Variants in WDR3 observed in about 807,000 individuals in gnomAD.
WDR3 encodes WD repeat-containing protein 3.
WDR3 carries 81 observed loss-of-function variants against 123.7 expected under a neutral mutation model. That is an observed-to-expected ratio of 0.65 (90% confidence interval 0.55 to 0.79). WDR3 has a LOEUF of 0.79. Ranked by LOEUF, WDR3 falls within the 30% of genes least tolerant of loss-of-function variation. The probability of loss-of-function intolerance (pLI) is 0.00; values close to 1 mark genes in which losing one functional copy is unlikely to be tolerated. For synonymous variants in WDR3, 390 were observed against 388.8 expected (o/e 1.00, Z -0.04); for missense variants, 1,027 against 1,123.2 (o/e 0.91, Z 1.22).
intron 24 of WDR3, among the ~76,000 whole-genome samples, chr1:117,956,785 T>C (rs914818096): frequency 2.6e-5 from 4 of 152,144 alleles, no homozygotes; most frequent in African/African-American, 9.7e-5. Context: ...CATATGAAGA[T>C]GGAATATTCA....
chr1:117,933,613 A>G (rs761496524), intron 2 of WDR3, 123 bp downstream of exon 2: 3 of 1,346,336 alleles, frequency 2.2e-6, no homozygotes, highest in South Asian at 2.5e-5. Context: ...CTTAGAAGAA[A>G]AATCTTTTTC....
chr1:117,943,431 T>G lies in WDR3; in HGVS notation c.1133T>G (p.Leu378Ter). The G allele has an allele frequency of 6.2e-7, 1 of 1,614,150 alleles. No individual in the cohort carries two copies. The highest frequency in any genetic ancestry group is 1.7e-5 in the Admixed American group (1 of 60,014). The change falls in exon 11 of 27, where the codon TTA (leucine) becomes TGA (stop). Residue 378 changes from leucine to a stop codon, truncating the protein, a stop_gained. Coordinates refer to ENST00000349139, the MANE Select transcript of WDR3 (RefSeq NM_006784.3). LOFTEE classifies it high-confidence loss of function. ...FDLIHSPHGE[L>*]KAVFLLQNNL... Reference sequence around the variant, plus strand: ...TTGATTCATTCACCTCACGGAGAGTTAAAGGCTGTCTTCCTGCTGCAGAAC... The same window carrying G: ...TTGATTCATTCACCTCACGGAGAGTGAAAGGCTGTCTTCCTGCTGCAGAAC...
intron 23 of WDR3, 74 bp from the exon 24 acceptor site, chr1:117,955,241 G>A: frequency 7.7e-7 from 1 of 1,297,932 alleles, no homozygotes; most frequent in Admixed American, 2.1e-5. Flanking sequence ...CTGTTTTATA[G>A]GAGATAGAAA....
In WDR3 at chr1:117,942,524, A is replaced by G. The variant is rs1055806540; in HGVS notation, c.1077A>G (p.Ile359Met). The change falls in exon 10 of 27, where the codon ATA (isoleucine) becomes ATG (methionine). Residue 359 changes from isoleucine (I) to methionine (M), a missense_variant. By Grantham distance (10) the Ile-to-Met change is conservative (BLOSUM62 1). Transcript: ENST00000349139. The part of the protein sequence containing the change: ...LQDEIQRVTN[I>M]KTSAKIKSFD... ...ATGAAATCCAGCGGGTGACTAATAT[A>G]AAAACTTCTGCCAAAATCAAGTGAG... The G allele has an allele frequency of 6.2e-7, 1 of 1,613,876 alleles. No individual in the cohort carries two copies. Among genetic ancestry groups the G allele is most frequent in the Non-Finnish European group, 8.5e-7 (1 of 1,179,870 alleles).
chr1:117,933,200 T>C, intron 1 of WDR3, 88 bp from the exon 2 acceptor site: 1 of 1,168,326 alleles, frequency 8.6e-7, no homozygotes, highest in Non-Finnish European at 1.2e-6. Context: ...TGAGACTCTG[T>C]CTCAAAAACA....
chr1:117,951,000 C>CTGTT (rs1242146358), intron 16 of WDR3, 110 bp downstream of exon 16: 2 of 813,124 alleles, frequency 2.5e-6, no homozygotes, highest in Non-Finnish European at 3.9e-6. Context: ...TATCATCATT[C>CTGTT]TGTTATATAT....
At position 117,961,487 on chromosome 1, in the gene WDR3, T is replaced by C. The variant is rs1653092242; in HGVS notation, c.*2040T>C. On this transcript the variant is annotated 3_prime_UTR_variant, in exon 27 of 27. Transcript: ENST00000349139. ...TAAATCATACTTCTTGTTACAGGCCTGTTTAGATGTTCTGTATCTTCTTGA... is the reference window on the plus strand; with the variant it reads ...TAAATCATACTTCTTGTTACAGGCCCGTTTAGATGTTCTGTATCTTCTTGA... 1 of 152,212 alleles carries C rather than the reference T, an allele frequency of 6.6e-6. No homozygotes were observed. Among genetic ancestry groups the C allele is most frequent in the Non-Finnish European group, 1.5e-5 (1 of 68,036 alleles). The allele number at this position is 152,212 out of a possible 1,614,324, so 9.4% of individuals were successfully genotyped here.
intron 22 of WDR3, 122 bp downstream of exon 22, chr1:117,954,221 A>G: frequency 1.2e-6 from 1 of 814,242 alleles, no homozygotes; most frequent in Non-Finnish European, 1.9e-6. Context: ...AATCTTTCCA[A>G]CTCACTATAT....
At position 117,957,052 on chromosome 1, in the gene WDR3, AT is replaced by A. The variant is rs752771059; in HGVS notation, c.2454-10del. 1.7e-5 allele frequency: 27 copies of A among 1,546,700 alleles called. No homozygotes were observed. Among genetic ancestry groups the A allele is most frequent in the Non-Finnish European group, 2.3e-5 (27 of 1,151,612 alleles). On this transcript the variant is annotated splice_polypyrimidine_tract_variant and intron_variant, in intron 24 of 26. Transcript: ENST00000349139. ...TAACAAATGTGGCATTTTTATATTTATTTTTTCTTTTTCAGTGAGCTGGAAG... is the reference window on the plus strand; with the variant it reads ...TAACAAATGTGGCATTTTTATATTTATTTTTCTTTTTCAGTGAGCTGGAAG...
At position 117,940,850 on chromosome 1, in the gene WDR3, C is replaced by A. The variant is rs1188750718; in HGVS notation, c.699C>A (p.Asp233Glu). 3 of 1,613,560 alleles carry A rather than the reference C, an allele frequency of 1.9e-6. No individual in the cohort carries two copies. Among genetic ancestry groups the A allele is most frequent in the South Asian group, 2.2e-5 (2 of 90,906 alleles). ...LQEIEDPEEP[D>E]PKKIKGSSPG... ...AGATTGAAGACCCGGAAGAACCAGA[C>A]CCCAAGAAAATCAAAGGATCTTCTC... is the stretch of plus-strand genomic sequence containing the variant. The change falls in exon 7 of 27, where the codon GAC becomes GAA. Residue 233 changes from aspartate (D) to glutamate (E), a missense_variant. Physicochemically the swap from Asp to Glu is conservative, Grantham distance 45. Transcript: ENST00000349139.
In WDR3 at chr1:117,965,088, A is replaced by C. The variant is rs745558045; in HGVS notation, c.*5641A>C. 2.0e-5 allele frequency: 3 copies of C among 152,140 alleles called. No homozygotes were observed. Among genetic ancestry groups the C allele is most frequent in the Non-Finnish European group, 2.9e-5 (2 of 68,012 alleles). 9.4% of individuals were successfully genotyped at this position (152,140 alleles called of 1,614,324 possible). ...TATTCTCTTGCTCTTTCCTTTAATA[A>C]ATTTTCTTGAAAGAATATCCATAAC... On this transcript the variant is annotated 3_prime_UTR_variant, in exon 27 of 27. Coordinates refer to ENST00000349139, the MANE Select transcript of WDR3 (RefSeq NM_006784.3).
chr1:117,943,301 A>T (rs985673771), intron 10 of WDR3, 95 bp from the exon 11 acceptor site: 39 of 1,054,374 alleles, frequency 3.7e-5, no homozygotes, highest in Admixed American at 7.5e-5. Context: ...CAAACTTTAT[A>T]TAGATAGAGG....
Position 117,952,373 on chromosome 1 carries a change from G to T in WDR3, c.1981G>T (p.Asp661Tyr). ...AGKDHKIKQW[D>Y]ADKFEHIQTL... ...AAAAGATCATAAGATTAAACAGTGG[G>T]ATGCAGACAAATTTGAACACATACA... Residue 661 changes from aspartate (D) to tyrosine (Y), a missense_variant, in exon 18 of 27, where the codon GAT becomes TAT. Coordinates refer to ENST00000349139, the MANE Select transcript of WDR3 (RefSeq NM_006784.3). 6.2e-7 allele frequency: 1 copy of T among 1,613,362 alleles called. No individual in the cohort carries two copies. The highest frequency in any genetic ancestry group is 8.5e-7 in the Non-Finnish European group (1 of 1,179,542).
At chr1:117,950,461 G>C (rs1021833666) in intron 15 of WDR3, among the ~76,000 whole-genome samples, 2 of 152,110 alleles carry the variant, frequency 1.3e-5, no homozygotes, top group East Asian at 3.9e-4. Context: ...GATCATCTAG[G>C]TTGCTTTTAA....
In WDR3 at chr1:117,934,576, T is replaced by A. The variant is rs1464216209; in HGVS notation, c.275T>A (p.Phe92Tyr). Residue 92 changes from phenylalanine (F) to tyrosine (Y), a missense_variant, in exon 3 of 27, where the codon TTC becomes TAC. By Grantham distance (22) the Phe-to-Tyr change is conservative. Coordinates refer to ENST00000349139, the MANE Select transcript of WDR3 (RefSeq NM_006784.3). ...VGYEDGSIRI[F>Y]SLLSGEGNVT... ...TATGAGGATGGGTCGATCCGAATCT[T>A]CAGTCTCCTGAGTGGGGAAGGAAAT... The A allele has an allele frequency of 6.2e-7, 1 of 1,614,052 alleles. No homozygotes were observed. The highest frequency in any genetic ancestry group is 2.2e-5 in the East Asian group (1 of 44,886).
chr1:117,959,091 C>A lies in WDR3; in HGVS notation c.2676+88C>A. 3 of 1,341,406 alleles carry A rather than the reference C, an allele frequency of 2.2e-6. No individual in the cohort carries two copies. In the South Asian group the frequency reaches 4.0e-5, roughly 18 times the overall value. The allele number at this position is 1,341,406 out of a possible 1,614,324, so 83.1% of individuals were successfully genotyped here. ...ATAGTATGCTGTGCTTTGTCTTTAGCAATACCCACCACCGATAAATCCATA... is the reference window on the plus strand; with the variant it reads ...ATAGTATGCTGTGCTTTGTCTTTAGAAATACCCACCACCGATAAATCCATA... On this transcript the variant is annotated intron_variant, in intron 26 of 26. Coordinates refer to ENST00000349139, the MANE Select transcript of WDR3 (RefSeq NM_006784.3).
intron 11 of WDR3, among the ~76,000 whole-genome samples, chr1:117,944,329 C>G (rs1651290587): frequency 6.6e-6 from 1 of 152,162 alleles, no homozygotes; most frequent in Admixed American, 6.5e-5. Flanking sequence ...TATTCTCAGT[C>G]CTCGCTCCAT....
rs1292812045 is a variant in WDR3 at position 117,953,993 on chromosome 1, C to G, written c.2269-14C>G. 1.3e-6 allele frequency: 2 copies of G among 1,599,750 alleles called. No homozygotes were observed. The highest frequency in any genetic ancestry group is 1.7e-6 in the Non-Finnish European group (2 of 1,173,026). ...TATGTTGTGATGACTTCTTTCCTTT[C>G]TCATCCTCTGTAGGCTGAGAGGATT... On this transcript the variant is annotated splice_polypyrimidine_tract_variant and intron_variant, in intron 21 of 26. Coordinates refer to ENST00000349139, the MANE Select transcript of WDR3 (RefSeq NM_006784.3).
chr1:117,947,921 G>A (rs954916946), intron 12 of WDR3, among the ~76,000 whole-genome samples: 7 of 152,108 alleles, frequency 4.6e-5, no homozygotes, highest in African/African-American at 1.2e-4. Flanking sequence ...CCTTAGTGCT[G>A]TAGGTAGATC....
Sources: allele counts gnomAD v4.1 joint callset (sites outside exome capture counted in the v4.1 genomes callset), GRCh38; gene constraint gnomAD v4.1.1; transcripts MANE v1.5; gene names NCBI Gene and HGNC (gene_info 2026-07-23, HGNC 2026-07-21).